Variants in PTPN13 observed in about 807,000 individuals in gnomAD.
PTPN13 encodes the protein tyrosine-protein phosphatase non-receptor type 13.
A neutral mutation model predicts 284.0 loss-of-function variants in PTPN13; 191 were observed. The observed-to-expected ratio is 0.67, with a 90% CI of 0.60 to 0.76. The LOEUF (loss-of-function observed/expected upper bound fraction) is 0.76, where lower values mean the gene tolerates loss of function less well. Among genes scored for constraint, PTPN13 ranks in the 30% least tolerant of loss-of-function variants. The pLI is 0.00. For missense variants in PTPN13, 2,797 were observed against 2,939.9 expected, an observed-to-expected ratio of 0.95 and a Z score of 1.12; for synonymous variants, 986 against 1,022.3, an observed-to-expected ratio of 0.96 and a Z score of 0.68.
At chr4:86,604,444 T>G (rs1170933822) in intron 1 of PTPN13, among the ~76,000 whole-genome samples, 1 of 152,034 alleles carries the variant, frequency 6.6e-6, no homozygotes, top group Non-Finnish European at 1.5e-5. Context: ...CATCTCTTTA[T>G]CACTCAGATT....
At chr4:86,795,942 G>A (rs1222335834) in intron 40 of PTPN13, among the ~76,000 whole-genome samples, 2 of 152,078 alleles carry the variant, frequency 1.3e-5, no homozygotes, top group South Asian at 2.1e-4. Context: ...TAATGTAAAT[G>A]ATGAGTTGAT....
chr4:86,732,817 C>A, intron 12 of PTPN13, 51 bp downstream of exon 12: 1 of 1,493,748 alleles, frequency 6.7e-7, no homozygotes, highest in Non-Finnish European at 9.1e-7. Context: ...TAGCAACAAG[C>A]AGACTTCCTA....
intron 2 of PTPN13, among the ~76,000 whole-genome samples, chr4:86,644,668 AAT>A (rs1448530299): frequency 6.6e-6 from 1 of 152,202 alleles, no homozygotes; most frequent in Non-Finnish European, 1.5e-5. Flanking sequence ...ACTACAAACC[AAT>A]ATGTCTTATG....
intron 42 of PTPN13, among the ~76,000 whole-genome samples, chr4:86,801,706 T>C (rs1451032301): frequency 6.6e-6 from 1 of 152,220 alleles, no homozygotes; most frequent in Non-Finnish European, 1.5e-5. Context: ...GTTATTCAGG[T>C]GATCTAGAAT....
chr4:86,774,403 T>A lies in PTPN13; in HGVS notation c.5380T>A (p.Ser1794Thr). The A allele has an allele frequency of 6.2e-7, 1 of 1,607,234 alleles. No homozygotes were observed. The highest frequency in any genetic ancestry group is 8.5e-7 in the Non-Finnish European group (1 of 1,176,668). ...AGAACTCCTCATTACCCTAATTAAA[T>A]CAGAAAAAGGAAGCCTGGGTTTTAC... ...EVELLITLIK[S>T]EKGSLGFTVT... is the part of the protein sequence containing the mutation. The change falls in exon 33 of 48, where the codon TCA becomes ACA. Residue 1794 changes from serine (S) to threonine (T), a missense_variant. Transcript: ENST00000411767.
At chr4:86,744,938 T>C in intron 16 of PTPN13, 28 bp from the exon 17 acceptor site, 1 of 1,467,496 alleles carries the variant, frequency 6.8e-7, no homozygotes. Flanking sequence ...CTTACTATAA[T>C]TATGAATACC....
intron 1 of PTPN13, among the ~76,000 whole-genome samples, chr4:86,633,946 A>C (rs1578296027): frequency 6.6e-6 from 1 of 152,226 alleles, no homozygotes; most frequent in East Asian, 1.9e-4. Context: ...AGTATCTTAT[A>C]GTTTCCTTTT....
intron 31 of PTPN13, 80 bp from the exon 32 acceptor site, chr4:86,772,698 T>C: frequency 3.5e-6 from 4 of 1,138,716 alleles, no homozygotes; most frequent in Non-Finnish European, 4.9e-6. Context: ...ATTTGTTAAG[T>C]GTTTTCTGTT....
intron 2 of PTPN13, among the ~76,000 whole-genome samples, chr4:86,669,710 C>G (rs957295943): frequency 1.3e-5 from 2 of 152,044 alleles, no homozygotes; most frequent in African/African-American, 4.8e-5. Context: ...CTTTTCTGGT[C>G]TGGGTGGATA....
rs557654641 is a variant in PTPN13, at chr4:86,691,641, A to G, written c.547-1946A>G. Among the ~76,000 whole-genome samples the G allele has an allele frequency of 4.6e-5, 7 of 152,296 alleles. No individual in the cohort carries two copies. The South Asian group carries it at 1.5e-3, about 32-fold the overall frequency. ...TATTCATCATAACAACCTCAATTTA[A>G]TAGAGATACTTTTATCCTCATTTTA... On this transcript the variant is annotated intron_variant, in intron 5 of 47. Coordinates refer to ENST00000411767, the MANE Select transcript of PTPN13 (RefSeq NM_080683.3).
At chr4:86,655,371 G>A (rs894185644) in intron 2 of PTPN13, among the ~76,000 whole-genome samples, 7 of 152,142 alleles carry the variant, frequency 4.6e-5, no homozygotes, top group Admixed American at 2.0e-4. Context: ...TTTTTGCAGT[G>A]GCTGGTACCG....
chr4:86,658,364 C>T (rs1165870357), intron 2 of PTPN13, among the ~76,000 whole-genome samples: 1 of 152,170 alleles, frequency 6.6e-6, no homozygotes, highest in Non-Finnish European at 1.5e-5. Flanking sequence ...TCTTGAATGC[C>T]TCTTTCCTTG....
chr4:86,793,715 C>G (rs549630219), intron 40 of PTPN13, among the ~76,000 whole-genome samples: 17 of 152,192 alleles, frequency 1.1e-4, no homozygotes, highest in Non-Finnish European at 1.9e-4. Flanking sequence ...CAAAACCACA[C>G]AACTACATGG....
intron 10 of PTPN13, among the ~76,000 whole-genome samples, chr4:86,723,883 T>G (rs1238205452): frequency 2.0e-5 from 3 of 152,224 alleles, no homozygotes; most frequent in Non-Finnish European, 2.9e-5. Context: ...AGAAATTGTA[T>G]TACCCTATAC....
chr4:86,724,288 G>A (rs1278048134), intron 10 of PTPN13, among the ~76,000 whole-genome samples: 1 of 152,082 alleles, frequency 6.6e-6, no homozygotes, highest in African/African-American at 2.4e-5. Flanking sequence ...TAAGTAATAG[G>A]CAGGATGTCA....
chr4:86,773,754 A>G (rs1298153267), intron 32 of PTPN13, among the ~76,000 whole-genome samples: 3 of 151,822 alleles, frequency 2.0e-5, no homozygotes, highest in Non-Finnish European at 2.9e-5. Flanking sequence ...TGCAGCATCT[A>G]CATCTTCAGT....
chr4:86,688,359 T>A (rs979215916), intron 4 of PTPN13, among the ~76,000 whole-genome samples: 3 of 152,148 alleles, frequency 2.0e-5, no homozygotes, highest in Admixed American at 2.0e-4. Flanking sequence ...ATTGGGTGTG[T>A]AGTGGCTTCT....
chr4:86,741,892 T>C, intron 16 of PTPN13, 76 bp downstream of exon 16: 1 of 1,271,770 alleles, frequency 7.9e-7, no homozygotes. Flanking sequence ...TTAACAGACT[T>C]TCCTTAGACT....
chr4:86,796,622 C>T (rs965127842), intron 40 of PTPN13, among the ~76,000 whole-genome samples: 2 of 152,146 alleles, frequency 1.3e-5, no homozygotes, highest in African/African-American at 4.8e-5. Flanking sequence ...GCCCAGGCAA[C>T]AGACTCCATC....
Sources: gnomAD v4.1 joint callset for allele counts (sites outside exome capture counted in the v4.1 genomes callset) on GRCh38, gnomAD v4.1.1 for gene constraint, MANE v1.5 for transcripts, NCBI Gene and HGNC (gene_info 2026-07-23, HGNC 2026-07-21) for gene names.